The following CLUH variants were observed in gnomAD, a reference collection of about 807,000 sequenced individuals.
CLUH encodes CLUH binding protein of NUMT mRNA.
A neutral mutation model predicts 139.3 loss-of-function variants in CLUH; 77 were observed. The ratio of observed to expected loss-of-function variants is 0.55; its 90% confidence interval spans 0.46 to 0.67. The LOEUF (loss-of-function observed/expected upper bound fraction) is 0.67, where lower values mean the gene tolerates loss of function less well. CLUH is among the 30% of genes least tolerant of loss of function. CLUH has a pLI of 0.00. For synonymous variants in CLUH, 999 were observed against 801.6 expected (o/e 1.25, Z -4.16); for missense variants, 1,876 against 1,875.8 (o/e 1.00, Z 0.00).
intron 1 of CLUH, among the ~76,000 whole-genome samples, chr17:2,708,446 C>T (rs1183083375): frequency 2.0e-5 from 3 of 152,082 alleles, no homozygotes; most frequent in African/African-American, 4.8e-5. Context: ...CCAGGACTCA[C>T]GCTAGGCCCA....
chr17:2,691,294 T>C (rs1015869632), intron 25 of CLUH, among the ~76,000 whole-genome samples: 1 of 151,640 alleles, frequency 6.6e-6, no homozygotes, highest in South Asian at 2.1e-4. Flanking sequence ...CCGGGCGCGA[T>C]GGCTCACGCC....
At chr17:2,690,901 C>G in intron 25 of CLUH, 124 bp from the exon 26 acceptor site, 1 of 709,230 alleles carries the variant, frequency 1.4e-6, no homozygotes, top group South Asian at 4.3e-5. Context: ...TGTGTGTGAA[C>G]AAGCGCTTCC....
At position 2,690,687 on chromosome 17, in the gene CLUH, G is replaced by A. The variant is rs368370421; in HGVS notation, c.3954C>T (p.Pro1318=). The A allele has an allele frequency of 6.3e-5, 99 of 1,565,364 alleles. No individual in the cohort carries two copies. Among genetic ancestry groups the A allele is most frequent in the Non-Finnish European group, 8.0e-5 (93 of 1,162,352 alleles). The change falls in exon 26 of 26, where the codon CCC becomes CCT. Residue 1318 remains proline, a synonymous_variant. Transcript: ENST00000651024. Reference sequence around the variant, plus strand: ...CCGCTGGCGCGGGCTCGGTAGCCATGGGCTCCTCGGCTCTATCCCTGTTTC... The same window carrying A: ...CCGCTGGCGCGGGCTCGGTAGCCATAGGCTCCTCGGCTCTATCCCTGTTTC... ...ASRNRDRAEE[P]MATEPAPAGA... is the part of the protein sequence containing the mutation.
At position 2,696,713 on chromosome 17, in the gene CLUH, C is replaced by T; in HGVS notation, c.2185+6G>A. ...GCTCTCTCCCGGCCATCTGCAGCAG[C>T]CCCACCTGTGCCGTCGTCTGCGGCG... On this transcript the variant is annotated splice_donor_region_variant and intron_variant, in intron 11 of 25. Coordinates refer to ENST00000651024, the MANE Select transcript of CLUH (RefSeq NM_001366661.1). The T allele has an allele frequency of 6.2e-7, 1 of 1,611,394 alleles. No individual in the cohort carries two copies. Among genetic ancestry groups the T allele is most frequent in the African/African-American group, 1.3e-5 (1 of 75,026 alleles).
At chr17:2,692,531 T>C (rs148554987) in intron 21 of CLUH, 40 bp downstream of exon 21, 24,648 of 1,599,040 alleles carry the variant, frequency 0.015, 218 homozygotes, top group Non-Finnish European at 0.018. Flanking sequence ...TCCCCTGGGA[T>C]GGAGCTGGGT....
chr17:2,697,777 C>T (rs1233641939), intron 10 of CLUH, 119 bp downstream of exon 10: 75 of 974,144 alleles, frequency 7.7e-5, no homozygotes, highest in African/African-American at 1.3e-4. Flanking sequence ...TGTGGCTAGA[C>T]GGAGCCCTTC....
chr17:2,708,279 T>C (rs554855800), intron 1 of CLUH, among the ~76,000 whole-genome samples: 1 of 152,232 alleles, frequency 6.6e-6, no homozygotes, highest in East Asian at 1.9e-4. Flanking sequence ...TCTCACACAA[T>C]GACCAGAGGA....
Position 2,693,156 on chromosome 17 carries a change from A to AAAAAAAAG in CLUH, c.3232-297_3232-296insCTTTTTTT, listed in dbSNP as rs61560754. On this transcript the variant is annotated intron_variant, in intron 19 of 25. Coordinates refer to ENST00000651024, the MANE Select transcript of CLUH (RefSeq NM_001366661.1). ...AAAAATGTTACAAAAAAAAAAAAAA[A>AAAAAAAAG]GCCTGAGCAGGGGTGGGTCCCTTGA... Among the ~76,000 whole-genome samples the AAAAAAAAG allele has an allele frequency of 2.0e-5, 3 of 150,768 alleles. No individual in the cohort carries two copies. In the South Asian group the frequency reaches 6.3e-4, roughly 32 times the overall value.
At chr17:2,693,139 T>C (rs1335885332) in intron 19 of CLUH, among the ~76,000 whole-genome samples, 1 of 2,316 alleles carries the variant, frequency 4.3e-4, no homozygotes, top group African/African-American at 1.3e-3. Flanking sequence ...CTAAAAATGT[T>C]ACAAAAAAAA....
At chr17:2,694,821 A>AAACCCCCCCCCCCCCCCCCCCCGCC in intron 16 of CLUH, 36 bp downstream of exon 16, 1 of 1,446,328 alleles carries the variant, frequency 6.9e-7, no homozygotes, top group Non-Finnish European at 9.2e-7. Flanking sequence ...CATCTGCCCA[A>AAACCCCCCCCCCCCCCCCCCCCGCC]TCCCACCCAC....
In CLUH at chr17:2,711,703, C is replaced by A; in HGVS notation, c.-42G>T. The A allele has an allele frequency of 1.2e-6, 1 of 863,536 alleles. No homozygotes were observed. The highest frequency in any genetic ancestry group is 1.8e-5 in the African/African-American group (1 of 54,810). The allele number at this position is 863,536 out of a possible 1,614,324, so 53.5% of individuals were successfully genotyped here. ...GTCCGCCTCGGCTGTCCGCGCCGCCCGCCGCGCCACTAACCCAAGTGCCCT... is the reference window on the plus strand; with the variant it reads ...GTCCGCCTCGGCTGTCCGCGCCGCCAGCCGCGCCACTAACCCAAGTGCCCT... On this transcript the variant is annotated 5_prime_UTR_variant, in exon 1 of 26. Coordinates refer to ENST00000651024, the MANE Select transcript of CLUH (RefSeq NM_001366661.1).
At position 2,707,972 on chromosome 17, in the gene CLUH, C is replaced by T; in HGVS notation, c.101-3408G>A. 1 of 985,442 alleles carries T rather than the reference C, an allele frequency of 1.0e-6. No individual in the cohort carries two copies. The highest frequency in any genetic ancestry group is 1.2e-6 in the Non-Finnish European group (1 of 829,924). 61.0% of individuals were successfully genotyped at this position (985,442 alleles called of 1,614,324 possible). On this transcript the variant is annotated intron_variant, in intron 1 of 25. Coordinates refer to ENST00000651024, the MANE Select transcript of CLUH (RefSeq NM_001366661.1). The surrounding 1 kb of genome is among the most constrained non-coding windows in gnomAD (Gnocchi z 7.4). ...CAGGCTCCATCAAGAAGCTGGCAGGCTCCATCTTCCCTTCCCAGCAGCCCC... is the reference window on the plus strand; with the variant it reads ...CAGGCTCCATCAAGAAGCTGGCAGGTTCCATCTTCCCTTCCCAGCAGCCCC...
Position 2,690,688 on chromosome 17 carries a change from G to C in CLUH, c.3953C>G (p.Pro1318Arg), listed in dbSNP as rs531117604. Reference sequence around the variant, plus strand: ...CGCTGGCGCGGGCTCGGTAGCCATGGGCTCCTCGGCTCTATCCCTGTTTCT... The same window carrying C: ...CGCTGGCGCGGGCTCGGTAGCCATGCGCTCCTCGGCTCTATCCCTGTTTCT... ...ASRNRDRAEEPMATEPAPAGA... is the reference protein window; with the variant it reads ...ASRNRDRAEERMATEPAPAGA... The change falls in exon 26 of 26, where the codon CCC (proline) becomes CGC (arginine). Residue 1318 changes from proline to arginine, a missense_variant. By Grantham distance (103) the Pro-to-Arg change is moderately radical. This residue lies in a region of CLUH where 1,454 missense variants were observed against 1,384.4 expected (regional missense o/e 1.05). Coordinates refer to ENST00000651024, the MANE Select transcript of CLUH (RefSeq NM_001366661.1). The C allele has an allele frequency of 6.4e-7, 1 of 1,564,216 alleles. No homozygotes were observed. The highest frequency in any genetic ancestry group is 8.6e-7 in the Non-Finnish European group (1 of 1,161,852).
rs369305571 is a variant in CLUH, at chr17:2,703,534, C to G, written c.304-45G>C. The G allele has an allele frequency of 4.0e-5, 63 of 1,591,500 alleles. No homozygotes were observed. Among genetic ancestry groups the G allele is most frequent in the Non-Finnish European group, 5.4e-5 (63 of 1,166,516 alleles). On this transcript the variant is annotated intron_variant, in intron 2 of 25. Coordinates refer to ENST00000651024, the MANE Select transcript of CLUH (RefSeq NM_001366661.1). The surrounding 1 kb of genome is among the most constrained non-coding windows in gnomAD (Gnocchi z 4.2). ...CCCACCCCGGTGAGAGAGCACGTAG[C>G]GGGGAGAGAAGGCCCCAACCGCCCC... is the stretch of plus-strand genomic sequence containing the variant.
intron 1 of CLUH, among the ~76,000 whole-genome samples, chr17:2,710,064 C>A (rs901821221): frequency 1.3e-5 from 2 of 151,688 alleles, no homozygotes; most frequent in Non-Finnish European, 2.9e-5. Context: ...GGGATCCAAA[C>A]CAACACGCCT....
rs1042802393 is a variant in CLUH, at chr17:2,707,224, C to T, written c.101-2660G>A. 52 of 985,282 alleles carry T rather than the reference C, an allele frequency of 5.3e-5. No individual in the cohort carries two copies. Among genetic ancestry groups the T allele is most frequent in the Admixed American group, 1.2e-4 (2 of 16,274 alleles). 61.0% of individuals were successfully genotyped at this position (985,282 alleles called of 1,614,324 possible). On this transcript the variant is annotated intron_variant, in intron 1 of 25. Transcript: ENST00000651024. This position sits in a 1 kb window ranked among gnomAD's most constrained non-coding sequence, Gnocchi z 7.4. ...CTCGGCTCTGGAGTCTCAGGATGGCCGTGGCAGCAAGGCAGCCAGCTCTCC... is the reference window on the plus strand; with the variant it reads ...CTCGGCTCTGGAGTCTCAGGATGGCTGTGGCAGCAAGGCAGCCAGCTCTCC...
chr17:2,700,666 G>A lies in CLUH; in HGVS notation c.1173+12C>T. 6.6e-7 allele frequency: 1 copy of A among 1,518,926 alleles called. No homozygotes were observed. 94.1% of individuals were successfully genotyped at this position (1,518,926 alleles called of 1,614,324 possible). A position where few individuals can be genotyped will look rare whatever the true frequency, so the allele number is the denominator to read the frequency against. ...GGGGTGCCCAGCGAGGGCAGGGCCAGGTTGCAGGCACCTGTCCAGGAATGT... is the reference window on the plus strand; with the variant it reads ...GGGGTGCCCAGCGAGGGCAGGGCCAAGTTGCAGGCACCTGTCCAGGAATGT... On this transcript the variant is annotated intron_variant, in intron 8 of 25. Transcript: ENST00000651024.
intron 24 of CLUH, 35 bp downstream of exon 24, chr17:2,691,726 G>C (rs765200893): frequency 1.9e-5 from 31 of 1,602,254 alleles, no homozygotes; most frequent in Middle Eastern, 1.7e-4. Context: ...TCCCGCGCTC[G>C]CCGGGCCGGA....
Position 2,694,841 on chromosome 17 carries a change from C to G in CLUH, c.2852+16G>C. 1 of 1,484,980 alleles carries G rather than the reference C, an allele frequency of 6.7e-7. No homozygotes were observed. Among genetic ancestry groups the G allele is most frequent in the Middle Eastern group, 1.8e-4 (1 of 5,516 alleles). 92.0% of individuals were successfully genotyped at this position (1,484,980 alleles called of 1,614,324 possible). A position where few individuals can be genotyped will look rare whatever the true frequency, so the allele number is the denominator to read the frequency against. Reference sequence around the variant, plus strand: ...GCCCAATCCCACCCACCCCACCGCCCCTGCCCCGCACGCACCACTCGAGGT... The same window carrying G: ...GCCCAATCCCACCCACCCCACCGCCGCTGCCCCGCACGCACCACTCGAGGT... On this transcript the variant is annotated intron_variant, in intron 16 of 25. Transcript: ENST00000651024.
Sources: allele counts gnomAD v4.1 joint callset (sites outside exome capture counted in the v4.1 genomes callset), GRCh38; gene constraint gnomAD v4.1.1; regional missense constraint gnomAD v4.1.1; non-coding constraint Gnocchi (gnomAD v3.1); transcripts MANE v1.5; gene names NCBI Gene and HGNC (gene_info 2026-07-23, HGNC 2026-07-21).